BICD2: variants seen among roughly 807,000 people sequenced by gnomAD.
The protein encoded by BICD2 is protein bicaudal D homolog 2.
In BICD2, 25 loss-of-function variants were observed where a neutral mutation model predicts 72.9. That is an observed-to-expected ratio of 0.34 (90% CI 0.25 to 0.48). BICD2 has a LOEUF of 0.48. Among genes scored for constraint, BICD2 ranks in the 20% least tolerant of loss-of-function variants. The pLI is 0.99. For missense variants in BICD2, 894 were observed against 1,175.2 expected (o/e 0.76, Z 3.50); for synonymous variants, 501 against 516.1 (o/e 0.97, Z 0.40).
chr9:92,728,751 C>G (rs542781471), intron 2 of BICD2, among the ~76,000 whole-genome samples: 1 of 152,266 alleles, frequency 6.6e-6, no homozygotes, highest in African/African-American at 2.4e-5. Flanking sequence ...GACCACTCCT[C>G]TGCTCTGGAC....
rs1419982218 is a variant in BICD2 at position 92,714,499 on chromosome 9, G to C, written c.*655C>G. 9 of 985,386 alleles carry C rather than the reference G, an allele frequency of 9.1e-6. No individual in the cohort carries two copies. The highest frequency in any genetic ancestry group is 1.7e-5 in the African/African-American group (1 of 57,258). 61.0% of individuals were successfully genotyped at this position (985,386 alleles called of 1,614,324 possible). On this transcript the variant is annotated 3_prime_UTR_variant, in exon 7 of 7. Transcript: ENST00000356884. ...ATGAGAAACCGAGCTCTGGATTCCTGGGTTATGGTCAGCTGTGTCTGTGCC... is the reference window on the plus strand; with the variant it reads ...ATGAGAAACCGAGCTCTGGATTCCTCGGTTATGGTCAGCTGTGTCTGTGCC...
rs774663157 is a variant in BICD2 at position 92,719,388 on chromosome 9, A to C, written c.1257T>G (p.His419Gln). 3.1e-6 allele frequency: 5 copies of C among 1,613,908 alleles called. No individual in the cohort carries two copies. The highest frequency in any genetic ancestry group is 1.3e-5 in the African/African-American group (1 of 74,886). Reference protein sequence around the residue: ...ALDNEKDRDSHEDGDYYEVDI... With the variant: ...ALDNEKDRDSQEDGDYYEVDI... ...CCACCTCGTAGTAGTCCCCATCCTC[A>C]TGGCTGTCACGGTCCTTCTCGTTGT... The change falls in exon 5 of 7, where the codon CAT becomes CAG. Residue 419 changes from histidine to glutamine, a missense_variant. This residue lies in a region of BICD2 where 371 missense variants were observed against 439.1 expected (regional missense o/e 0.84). Transcript: ENST00000356884.
Position 92,714,208 on chromosome 9 carries a change from G to C in BICD2, c.*946C>G. On this transcript the variant is annotated 3_prime_UTR_variant, in exon 7 of 7. Transcript: ENST00000356884. ...GGCTGGGCTCTGGATACACCTGTGG[G>C]TGTCCAACCCAGCCAAGCCCTTGGT... is the stretch of plus-strand genomic sequence containing the variant. The C allele has an allele frequency of 1.0e-6, 1 of 985,500 alleles. No individual in the cohort carries two copies. The highest frequency in any genetic ancestry group is 1.2e-6 in the Non-Finnish European group (1 of 829,994). The allele number at this position is 985,500 out of a possible 1,614,324, so 61.0% of individuals were successfully genotyped here.
chr9:92,720,285 C>G lies in BICD2; in HGVS notation c.1062+15G>C. 6.3e-7 allele frequency: 1 copy of G among 1,597,704 alleles called. No homozygotes were observed. Among genetic ancestry groups the G allele is most frequent in the Non-Finnish European group, 8.5e-7 (1 of 1,171,590 alleles). On this transcript the variant is annotated intron_variant, in intron 4 of 6. Transcript: ENST00000356884. The surrounding 1 kb of genome is among the most constrained non-coding windows in gnomAD (Gnocchi z 5.4). Reference sequence around the variant, plus strand: ...GAGTGGGGACAGCGTGCCGAAGGCCCCACTGCCTGCTCACCTGCATCAGCT... The same window carrying G: ...GAGTGGGGACAGCGTGCCGAAGGCCGCACTGCCTGCTCACCTGCATCAGCT...
In BICD2 at chr9:92,713,124, C is replaced by T. The variant is rs1211189260; in HGVS notation, c.*2030G>A. On this transcript the variant is annotated 3_prime_UTR_variant, in exon 7 of 7. Coordinates refer to ENST00000356884, the MANE Select transcript of BICD2 (RefSeq NM_001003800.2). Reference sequence around the variant, plus strand: ...AAATATCAAAAGTGCACAGGTTGATCGGATAAAAAAAGAACATGTGTAACA... The same window carrying T: ...AAATATCAAAAGTGCACAGGTTGATTGGATAAAAAAAGAACATGTGTAACA... 1.2e-5 allele frequency: 4 copies of T among 342,776 alleles called. No individual in the cohort carries two copies. Among genetic ancestry groups the T allele is most frequent in the Admixed American group, 4.3e-5 (1 of 23,048 alleles). 21.2% of individuals were successfully genotyped at this position (342,776 alleles called of 1,614,324 possible).
intron 1 of BICD2, among the ~76,000 whole-genome samples, chr9:92,749,464 G>C (rs1452901415): frequency 6.6e-6 from 1 of 152,216 alleles, no homozygotes; most frequent in Non-Finnish European, 1.5e-5. Context: ...CTGTAGGGCT[G>C]TGGTGCTTGT....
chr9:92,714,337 G>A lies in BICD2; in HGVS notation c.*817C>T, dbSNP rs1459761371. The A allele has an allele frequency of 6.1e-6, 6 of 985,378 alleles. No homozygotes were observed. The Admixed American group carries it at 3.1e-4, about 50-fold the overall frequency. The allele number at this position is 985,378 out of a possible 1,614,324, so 61.0% of individuals were successfully genotyped here. A position where few individuals can be genotyped will look rare whatever the true frequency, so the allele number is the denominator to read the frequency against. Reference sequence around the variant, plus strand: ...TGCTGGGGTCACCCCAAGTACAAAAGGACGGGCTCTGCACTAAGGACCAAG... The same window carrying A: ...TGCTGGGGTCACCCCAAGTACAAAAAGACGGGCTCTGCACTAAGGACCAAG... On this transcript the variant is annotated 3_prime_UTR_variant, in exon 7 of 7. Transcript: ENST00000356884.
rs1854430628 is a variant in BICD2 at position 92,764,122 on chromosome 9, C to T, written c.240+383G>A. Among the ~76,000 whole-genome samples, 3 of 152,312 alleles carry T rather than the reference C, an allele frequency of 2.0e-5. No homozygotes were observed. In the South Asian group the frequency reaches 6.2e-4, roughly 32 times the overall value. Reference sequence around the variant, plus strand: ...CCAGCGGGTCACCAGCATCCGTGGCCTCAGCTCCCGGCTCAGCCACTGCCC... The same window carrying T: ...CCAGCGGGTCACCAGCATCCGTGGCTTCAGCTCCCGGCTCAGCCACTGCCC... On this transcript the variant is annotated intron_variant, in intron 1 of 6. Coordinates refer to ENST00000356884, the MANE Select transcript of BICD2 (RefSeq NM_001003800.2). The surrounding 1 kb of genome is among the most constrained non-coding windows in gnomAD (Gnocchi z 5.5).
At chr9:92,739,465 C>T (rs1853855057) in intron 1 of BICD2, among the ~76,000 whole-genome samples, 1 of 152,210 alleles carries the variant, frequency 6.6e-6, no homozygotes, top group African/African-American at 2.4e-5. Flanking sequence ...CTCTATTCCC[C>T]ACAACCACAG....
intron 1 of BICD2, among the ~76,000 whole-genome samples, chr9:92,738,719 C>G (rs1853838421): frequency 6.6e-6 from 1 of 152,232 alleles, no homozygotes; most frequent in Non-Finnish European, 1.5e-5. Flanking sequence ...ACCACCAGGG[C>G]AGGGGAACCA....
At position 92,729,081 on chromosome 9, in the gene BICD2, G is replaced by A. The variant is rs1369980379; in HGVS notation, c.396C>T (p.Leu132=). The A allele has an allele frequency of 3.1e-6, 5 of 1,614,254 alleles. No homozygotes were observed. Among genetic ancestry groups the A allele is most frequent in the Non-Finnish European group, 3.4e-6 (4 of 1,180,052 alleles). Residue 132 remains leucine, a synonymous_variant, in exon 2 of 7, where the codon CTC becomes CTT. Transcript: ENST00000356884. ...QTELKQLRNV[L]TNTQSENERL... ...GCTCATTCTCCGACTGCGTGTTGGT[G>A]AGGACATTGCGCAACTGCTTCAGCT...
At chr9:92,758,668 T>C (rs999615899) in intron 1 of BICD2, among the ~76,000 whole-genome samples, 3 of 149,756 alleles carry the variant, frequency 2.0e-5, no homozygotes, top group African/African-American at 7.4e-5. Context: ...CTGACCAACA[T>C]GGAGAAACCC....
chr9:92,740,532 C>T (rs559764003), intron 1 of BICD2, among the ~76,000 whole-genome samples: 3 of 143,684 alleles, frequency 2.1e-5, no homozygotes, highest in Admixed American at 6.9e-5. Context: ...TGTGCTGGGG[C>T]GGGGAGGGGG....
chr9:92,729,131 G>A lies in BICD2; in HGVS notation c.346C>T (p.Arg116Trp), dbSNP rs767127458. Reference sequence around the variant, plus strand: ...TCCGTCTGCAGCTCTAGCACCTTCCGCACGTAGTACTGCTCCTTGGAGGCC... The same window carrying A: ...TCCGTCTGCAGCTCTAGCACCTTCCACACGTAGTACTGCTCCTTGGAGGCC... ...ESASKEQYYV[R>W]KVLELQTELK... Residue 116 changes from arginine to tryptophan, a missense_variant, in exon 2 of 7, where the codon CGG becomes TGG. Physicochemically the swap from Arg to Trp is moderately radical, Grantham distance 101. Transcript: ENST00000356884. 6 of 1,614,206 alleles carry A rather than the reference G, an allele frequency of 3.7e-6. No individual in the cohort carries two copies. Among genetic ancestry groups the A allele is most frequent in the Admixed American group, 3.3e-5 (2 of 60,028 alleles).
At chr9:92,746,671 A>T (rs1854021223) in intron 1 of BICD2, among the ~76,000 whole-genome samples, 1 of 152,230 alleles carries the variant, frequency 6.6e-6, no homozygotes, top group African/African-American at 2.4e-5. Context: ...GATGATGCTC[A>T]GCAGCAAGAA....
chr9:92,732,749 C>A (rs1460186409), intron 1 of BICD2, among the ~76,000 whole-genome samples: 2 of 152,020 alleles, frequency 1.3e-5, no homozygotes, highest in African/African-American at 4.8e-5. Context: ...TTTAGAGATA[C>A]AAAAGCTGAA....
At chr9:92,718,474 G>A in intron 5 of BICD2, 65 bp downstream of exon 5, 1 of 1,538,016 alleles carries the variant, frequency 6.5e-7, no homozygotes, top group Non-Finnish European at 8.8e-7. Flanking sequence ...GAGGAAGGAG[G>A]CCAAGGGGGA....
chr9:92,720,321 C>T lies in BICD2; in HGVS notation c.1041G>A (p.Lys347=), dbSNP rs1409333418. The change falls in exon 4 of 7, where the codon AAG becomes AAA. Residue 347 remains lysine (K), a synonymous_variant. Transcript: ENST00000356884. The surrounding 1 kb of genome is among the most constrained non-coding windows in gnomAD (Gnocchi z 5.4). The part of the protein sequence containing the change: ...LSELNISEIQ[K]LKQQLMQMER... ...TCACCTGCATCAGCTGCTGCTTCAG[C>T]TTCTGGATCTCAGAGATGTTGAGCT... 3 of 1,611,520 alleles carry T rather than the reference C, an allele frequency of 1.9e-6. No individual in the cohort carries two copies. Among genetic ancestry groups the T allele is most frequent in the South Asian group, 2.2e-5 (2 of 90,952 alleles).
Position 92,711,830 on chromosome 9 carries a change from G to T in BICD2, c.*3324C>A, listed in dbSNP as rs1003881460. The T allele has an allele frequency of 6.6e-6, 1 of 152,340 alleles. No individual in the cohort carries two copies. The highest frequency in any genetic ancestry group is 2.1e-4 in the South Asian group (1 of 4,828). 9.4% of individuals were successfully genotyped at this position (152,340 alleles called of 1,614,324 possible). Reference sequence around the variant, plus strand: ...CAGGAAACAGAATTCTTTTATTTTTGTCATTTATATTATTATAATTTTTCC... The same window carrying T: ...CAGGAAACAGAATTCTTTTATTTTTTTCATTTATATTATTATAATTTTTCC... On this transcript the variant is annotated 3_prime_UTR_variant, in exon 7 of 7. Coordinates refer to ENST00000356884, the MANE Select transcript of BICD2 (RefSeq NM_001003800.2).
Sources: gnomAD v4.1 joint callset for allele counts (sites outside exome capture counted in the v4.1 genomes callset) on GRCh38, gnomAD v4.1.1 for gene constraint, gnomAD v4.1.1 regional missense constraint, Gnocchi (gnomAD v3.1) non-coding constraint, MANE v1.5 for transcripts, NCBI Gene and HGNC (gene_info 2026-07-23, HGNC 2026-07-21) for gene names.